CRTC2: variants seen among roughly 807,000 people sequenced by gnomAD.
CRTC2 encodes CREB-regulated transcription coactivator 2.
In CRTC2, 25 loss-of-function variants were observed where a neutral mutation model predicts 70.9. The observed-to-expected ratio is 0.35, with a 90% CI of 0.26 to 0.49. The LOEUF (loss-of-function observed/expected upper bound fraction) is 0.49, where lower values mean the gene tolerates loss of function less well. Ranked by LOEUF, CRTC2 falls within the 20% of genes least tolerant of loss-of-function variation. The probability of loss-of-function intolerance (pLI) is 0.98; values close to 1 mark genes in which losing one functional copy is unlikely to be tolerated. For missense variants in CRTC2, 737 were observed against 882.6 expected, an observed-to-expected ratio of 0.83 and a Z score of 2.09; for synonymous variants, 330 against 364.1, an observed-to-expected ratio of 0.91 and a Z score of 1.07.
rs138937027 is a variant in CRTC2 at position 153,952,574 on chromosome 1, C to T, written c.699G>A (p.Lys233=). 1.9e-5 allele frequency: 30 copies of T among 1,614,086 alleles called. No individual in the cohort carries two copies. Among genetic ancestry groups the T allele is most frequent in the Non-Finnish European group, 2.5e-5 (29 of 1,180,020 alleles). Residue 233 remains lysine, a synonymous_variant, in exon 8 of 14, where the codon AAG becomes AAA. Coordinates refer to ENST00000368633, the MANE Select transcript of CRTC2 (RefSeq NM_181715.3). ...DKHLLKPWDA[K]KLSSSSSRPR... ...ACACCCGGTGGCCTCCTCCTACCTT[C>T]TTAGCATCCCATGGCTTCAGCAAAT...
chr1:153,949,066 C>T, intron 12 of CRTC2, 49 bp downstream of exon 12: 1 of 1,592,248 alleles, frequency 6.3e-7, no homozygotes, highest in Non-Finnish European at 8.6e-7. Flanking sequence ...CCCCATTGAC[C>T]CACCCTCACC....
chr1:153,948,698 C>A, intron 12 of CRTC2, 54 bp from the exon 13 acceptor site: 1 of 1,558,050 alleles, frequency 6.4e-7, no homozygotes, highest in Non-Finnish European at 8.7e-7. Flanking sequence ...TGGTGTCCTG[C>A]CTAGCCCTGC....
At position 153,951,647 on chromosome 1, in the gene CRTC2, G is replaced by C; in HGVS notation, c.1017C>G (p.Ser339Arg). ...YDAPGLHSPLSHPSLQSSLSN... is the reference protein window; with the variant it reads ...YDAPGLHSPLRHPSLQSSLSN... ...TTAGGGAGGACTGCAGGGATGGGTG[G>C]CTGAGAGGTGAATGAAGTCCTGCAG... The change falls in exon 11 of 14, where the codon AGC becomes AGG. Residue 339 changes from serine to arginine, a missense_variant. Ser to Arg is a moderately radical substitution (Grantham distance 110, BLOSUM62 -1). Coordinates refer to ENST00000368633, the MANE Select transcript of CRTC2 (RefSeq NM_181715.3). 2 of 1,613,632 alleles carry C rather than the reference G, an allele frequency of 1.2e-6. No homozygotes were observed. The highest frequency in any genetic ancestry group is 1.7e-6 in the Non-Finnish European group (2 of 1,179,766).
chr1:153,956,512 C>A (rs1302926608), intron 1 of CRTC2, among the ~76,000 whole-genome samples: 1 of 152,224 alleles, frequency 6.6e-6, no homozygotes, highest in African/African-American at 2.4e-5. Flanking sequence ...GTTCTAAGAG[C>A]TTCCAGGGTC....
chr1:153,956,743 G>A (rs1160158675), intron 1 of CRTC2, among the ~76,000 whole-genome samples: 2 of 152,160 alleles, frequency 1.3e-5, no homozygotes, highest in Admixed American at 6.5e-5. Flanking sequence ...CTTGTCCCTA[G>A]CTCTAGACTT....
Position 153,948,115 on chromosome 1 carries a change from G to C in CRTC2, c.2076C>G (p.Leu692=), listed in dbSNP as rs1254898260. 1.2e-6 allele frequency: 2 copies of C among 1,613,940 alleles called. No homozygotes were observed. Among genetic ancestry groups the C allele is most frequent in the Non-Finnish European group, 1.7e-6 (2 of 1,179,982 alleles). Residue 692 remains leucine (L), a synonymous_variant, in exon 14 of 14, where the codon CTC becomes CTG. Transcript: ENST00000368633. ...GGATGGTGATGAGGTGCCCTCATTGGAGCCGGTCACTGCGGAATGACTCCT... is the reference window on the plus strand; with the variant it reads ...GGATGGTGATGAGGTGCCCTCATTGCAGCCGGTCACTGCGGAATGACTCCT... ...AVEESFRSDR[L]Q is the part of the protein sequence containing the mutation.
rs757411493 is a variant in CRTC2, at chr1:153,958,315, C to A, written c.153+30G>T. 5 of 1,605,232 alleles carry A rather than the reference C, an allele frequency of 3.1e-6. No homozygotes were observed. The South Asian group carries it at 5.5e-5, about 18-fold the overall frequency. ...GTCTCCGCTCCGTAACTGCTCAGCT[C>A]TGCTCCGGCTCCCCGGCGCGGCCCC... On this transcript the variant is annotated intron_variant, in intron 1 of 13. Coordinates refer to ENST00000368633, the MANE Select transcript of CRTC2 (RefSeq NM_181715.3).
At chr1:153,957,933 G>A in intron 1 of CRTC2, 1 of 683,336 alleles carries the variant, frequency 1.5e-6, no homozygotes, top group Non-Finnish European at 1.9e-6. Context: ...CAGTTTGGAG[G>A]AGATCACAAA....
Position 153,948,024 on chromosome 1 carries a change from TAG to T in CRTC2, c.*83_*84del, listed in dbSNP as rs1359407022. The T allele has an allele frequency of 1.6e-6, 2 of 1,263,952 alleles. No homozygotes were observed. Among genetic ancestry groups the T allele is most frequent in the East Asian group, 2.4e-5 (1 of 40,876 alleles). 78.3% of individuals were successfully genotyped at this position (1,263,952 alleles called of 1,614,324 possible). On this transcript the variant is annotated 3_prime_UTR_variant, in exon 14 of 14. Coordinates refer to ENST00000368633, the MANE Select transcript of CRTC2 (RefSeq NM_181715.3). ...AGAAAGAGGATCTGGGGACAGAGAG[TAG>T]AGTCTCTACCTGCCAGGGGGAAGGG... is the stretch of plus-strand genomic sequence containing the variant.
chr1:153,958,480 C>G lies in CRTC2; in HGVS notation c.18G>C (p.Ala6=), dbSNP rs776031547. 1.4e-5 allele frequency: 23 copies of G among 1,610,100 alleles called. No individual in the cohort carries two copies. In the Middle Eastern group the frequency reaches 6.6e-4, roughly 46 times the overall value. The change falls in exon 1 of 14, where the codon GCG becomes GCC. Residue 6 remains alanine, a synonymous_variant. Transcript: ENST00000368633. MATSG[A]NGPGSATASA... The stretch of plus-strand genomic sequence containing the variant: ...AGGCCGTGGCCGAACCAGGCCCGTT[C>G]GCCCCCGACGTCGCCATCTTCCTTC...
chr1:153,952,302 G>A, intron 9 of CRTC2, 40 bp from the exon 10 acceptor site: 1 of 1,596,978 alleles, frequency 6.3e-7, no homozygotes, highest in Non-Finnish European at 8.5e-7. Context: ...AAATAGGAGG[G>A]TGGGTGCAGT....
intron 6 of CRTC2, 135 bp downstream of exon 6, chr1:153,953,131 C>T (rs377268399): frequency 1.8e-4 from 110 of 610,004 alleles, no homozygotes; most frequent in African/African-American, 1.6e-3. Context: ...TGCAGTGAGC[C>T]GAGATCACGC....
rs765269194 is a variant in CRTC2 at position 153,952,837 on chromosome 1, G to GC, written c.608-4dup. 2 of 1,614,204 alleles carry GC rather than the reference G, an allele frequency of 1.2e-6. No homozygotes were observed. Among genetic ancestry groups the GC allele is most frequent in the Admixed American group, 3.3e-5 (2 of 60,020 alleles). On this transcript the variant is annotated splice_polypyrimidine_tract_variant and splice_region_variant and intron_variant, in intron 6 of 13. Transcript: ENST00000368633. ...GTCCATTTCACCATCCAGAATACCT[G>GC]CAAGGGATACAGTGGCATTGGCTGC...
rs894926012 is a variant in CRTC2 at position 153,949,035 on chromosome 1, G to C, written c.1674+80C>G. On this transcript the variant is annotated intron_variant, in intron 12 of 13. Transcript: ENST00000368633. Reference sequence around the variant, plus strand: ...CCACCTAGATCTCCCCATTCACAGTGCACCAGCCATGCCATTCAGGCCCCA... The same window carrying C: ...CCACCTAGATCTCCCCATTCACAGTCCACCAGCCATGCCATTCAGGCCCCA... The C allele has an allele frequency of 2.1e-6, 3 of 1,451,582 alleles. No individual in the cohort carries two copies. The Admixed American group carries it at 5.0e-5, about 24-fold the overall frequency. The allele number at this position is 1,451,582 out of a possible 1,614,324, so 89.9% of individuals were successfully genotyped here.
chr1:153,950,318 G>C (rs1041552996), intron 11 of CRTC2, among the ~76,000 whole-genome samples: 2 of 152,178 alleles, frequency 1.3e-5, no homozygotes, highest in Non-Finnish European at 1.5e-5. Flanking sequence ...GAGGCCAGAG[G>C]GGGTGGGAAA....
chr1:153,948,986 G>T, intron 12 of CRTC2, 129 bp downstream of exon 12: 2 of 1,024,884 alleles, frequency 2.0e-6, no homozygotes, highest in Non-Finnish European at 1.5e-6. Context: ...CCTCCGGGGA[G>T]AGGAGATCTC....
intron 6 of CRTC2, 144 bp from the exon 7 acceptor site, chr1:153,952,978 T>A (rs1680436937): frequency 3.0e-6 from 3 of 1,003,258 alleles, no homozygotes; most frequent in East Asian, 2.5e-5. Flanking sequence ...GGTCAGGAGT[T>A]CAAGACCAGC....
Position 153,948,596 on chromosome 1 carries a change from G to A in CRTC2, c.1723C>T (p.Pro575Ser). The A allele has an allele frequency of 6.2e-7, 1 of 1,603,334 alleles. No individual in the cohort carries two copies. The highest frequency in any genetic ancestry group is 8.5e-7 in the Non-Finnish European group (1 of 1,175,752). ...CCAGGCCCTTCAGAAAAGCCAGGGG[G>A]ATCCAGCACCAGGCTGGCTGATGGG... Reference protein sequence around the residue: ...ESPSASLVLDPPGFSEGPGFL... With the variant: ...ESPSASLVLDSPGFSEGPGFL... The change falls in exon 13 of 14, where the codon CCC (proline) becomes TCC (serine). Residue 575 changes from proline to serine, a missense_variant. Transcript: ENST00000368633.
At chr1:153,950,970 T>C (rs924558175) in intron 11 of CRTC2, among the ~76,000 whole-genome samples, 2 of 152,228 alleles carry the variant, frequency 1.3e-5, no homozygotes, top group Non-Finnish European at 1.5e-5. Context: ...CATCCTTGTT[T>C]TAGAAATGAA....
Sources: allele counts gnomAD v4.1 joint callset (sites outside exome capture counted in the v4.1 genomes callset), GRCh38; gene constraint gnomAD v4.1.1; transcripts MANE v1.5; gene names NCBI Gene and HGNC (gene_info 2026-07-23, HGNC 2026-07-21).